Variants in ATXN10 observed in about 807,000 individuals in gnomAD.
ATXN10 encodes ataxin-10.
A neutral mutation model predicts 52.9 loss-of-function variants in ATXN10; 28 were observed. The ratio of observed to expected loss-of-function variants is 0.53; its 90% CI spans 0.39 to 0.73. The LOEUF (loss-of-function observed/expected upper bound fraction) is 0.73. Ranked by LOEUF, ATXN10 falls within the 30% of genes least tolerant of loss-of-function variation. The probability of loss-of-function intolerance (pLI) is 0.00; values close to 1 mark genes in which losing one functional copy is unlikely to be tolerated. For missense variants in ATXN10, 565 were observed against 577.0 expected, an observed-to-expected ratio of 0.98 and a Z score of 0.21; for synonymous variants, 226 against 221.5, an observed-to-expected ratio of 1.02 and a Z score of -0.18.
In ATXN10 at chr22:45,790,894, G is replaced by T. The variant is rs184962870; in HGVS notation, c.1174-16065G>T. On this transcript the variant is annotated intron_variant, in intron 9 of 11. Coordinates refer to ENST00000252934, the MANE Select transcript of ATXN10 (RefSeq NM_013236.4). This position sits in a 1 kb window ranked among gnomAD's most constrained non-coding sequence, Gnocchi z 4.7. Reference sequence around the variant, plus strand: ...GAGCCTCTCTCTCCCTCTCTCTGTCGCCCAATCTGCAGTGCAGTGGCACAG... The same window carrying T: ...GAGCCTCTCTCTCCCTCTCTCTGTCTCCCAATCTGCAGTGCAGTGGCACAG... 6.6e-6 allele frequency among the ~76,000 whole-genome samples: 1 copy of T among 151,166 alleles called. No individual in the cohort carries two copies.
rs1210494089 is a variant in ATXN10, at chr22:45,757,981, T to C, written c.1173+17443T>C. Among the ~76,000 whole-genome samples, 1 of 152,272 alleles carries C rather than the reference T, an allele frequency of 6.6e-6. No homozygotes were observed. Among genetic ancestry groups the C allele is most frequent in the African/African-American group, 2.4e-5 (1 of 41,480 alleles). ...AAGAAAAAAAGTTGAGCTTTTGTGA[T>C]GACACACAAATTCAAACTAAATTTG... On this transcript the variant is annotated intron_variant, in intron 9 of 11. Coordinates refer to ENST00000252934, the MANE Select transcript of ATXN10 (RefSeq NM_013236.4). The surrounding 1 kb of genome is among the most constrained non-coding windows in gnomAD (Gnocchi z 4.6).
intron 10 of ATXN10, among the ~76,000 whole-genome samples, chr22:45,834,230 C>T (rs1052929719): frequency 6.6e-6 from 1 of 152,150 alleles, no homozygotes; most frequent in African/African-American, 2.4e-5. Context: ...GCAGTGTGTT[C>T]CAGGAACAGA....
At chr22:45,832,923 G>A (rs1242889642) in intron 10 of ATXN10, among the ~76,000 whole-genome samples, 1 of 152,172 alleles carries the variant, frequency 6.6e-6, no homozygotes, top group African/African-American at 2.4e-5. Context: ...TGACCACTTG[G>A]CTTTTAAATA....
Position 45,818,535 on chromosome 22 carries a change from T to C in ATXN10, c.1237+11513T>C, listed in dbSNP as rs1245750661. Among the ~76,000 whole-genome samples, 1 of 152,182 alleles carries C rather than the reference T, an allele frequency of 6.6e-6. No individual in the cohort carries two copies. The highest frequency in any genetic ancestry group is 2.4e-5 in the African/African-American group (1 of 41,442). On this transcript the variant is annotated intron_variant, in intron 10 of 11. Transcript: ENST00000252934. The surrounding 1 kb of genome is among the most constrained non-coding windows in gnomAD (Gnocchi z 4.6). ...TTGTTTTTCAGAGCGAGGTTCTCAG[T>C]GTGAGCCATGTGGGCGGTCCTTTTT...
rs544127556 is a variant in ATXN10 at position 45,701,418 on chromosome 22, C to T, written c.488+1040C>T. Among the ~76,000 whole-genome samples, 2 of 152,270 alleles carry T rather than the reference C, an allele frequency of 1.3e-5. No individual in the cohort carries two copies. The highest frequency in any genetic ancestry group is 3.9e-4 in the East Asian group (2 of 5,190). On this transcript the variant is annotated intron_variant, in intron 4 of 11. Coordinates refer to ENST00000252934, the MANE Select transcript of ATXN10 (RefSeq NM_013236.4). The surrounding 1 kb of genome is among the most constrained non-coding windows in gnomAD (Gnocchi z 4.2). ...TTCCTTGTTGTACAGCTTTCCTGGG[C>T]TCCTCTGTGAAGTATAGCGTTAAGA...
At position 45,774,348 on chromosome 22, in the gene ATXN10, A is replaced by G. The variant is rs1196513450; in HGVS notation, c.1174-32611A>G. ...TGTCCCTACCAGTCCCTGCATCGCT[A>G]TTTTGGAGTGAGACAGATAATGCAG... is the stretch of plus-strand genomic sequence containing the variant. On this transcript the variant is annotated intron_variant, in intron 9 of 11. Transcript: ENST00000252934. This position sits in a 1 kb window ranked among gnomAD's most constrained non-coding sequence, Gnocchi z 6.2. Among the ~76,000 whole-genome samples, 1 of 152,186 alleles carries G rather than the reference A, an allele frequency of 6.6e-6. No homozygotes were observed. Among genetic ancestry groups the G allele is most frequent in the Non-Finnish European group, 1.5e-5 (1 of 68,032 alleles).
At chr22:45,717,522 A>G (rs1169894614) in intron 5 of ATXN10, among the ~76,000 whole-genome samples, 1 of 152,220 alleles carries the variant, frequency 6.6e-6, no homozygotes, top group Non-Finnish European at 1.5e-5. Context: ...ATTTTTAGGA[A>G]TATTTTACAT....
intron 1 of ATXN10, chr22:45,673,527 T>A (rs143626919): frequency 2.6e-5 from 4 of 152,388 alleles, no homozygotes; most frequent in Admixed American, 6.5e-5. Flanking sequence ...TGTATCATGA[T>A]GGACCCTCCT....
rs910584264 is a variant in ATXN10 at position 45,795,908 on chromosome 22, A to G, written c.1174-11051A>G. 6.6e-6 allele frequency among the ~76,000 whole-genome samples: 1 copy of G among 152,206 alleles called. No individual in the cohort carries two copies. Among genetic ancestry groups the G allele is most frequent in the Non-Finnish European group, 1.5e-5 (1 of 68,038 alleles). On this transcript the variant is annotated intron_variant, in intron 9 of 11. Transcript: ENST00000252934. The surrounding 1 kb of genome is among the most constrained non-coding windows in gnomAD (Gnocchi z 4.6). The stretch of plus-strand genomic sequence containing the variant: ...CCGTGATGATCACGTTATCTGCACA[A>G]ATTGTTTGTAAAGCATGTGTGTTTG...
Position 45,759,599 on chromosome 22 carries a change from C to T in ATXN10, c.1173+19061C>T, listed in dbSNP as rs954180705. On this transcript the variant is annotated intron_variant, in intron 9 of 11. Coordinates refer to ENST00000252934, the MANE Select transcript of ATXN10 (RefSeq NM_013236.4). This position sits in a 1 kb window ranked among gnomAD's most constrained non-coding sequence, Gnocchi z 5.4. ...GCCATGAAGCAGGAGGAAAGGCCTCCTGAGGGAGCTGAGGCTGCACGAGGA... is the reference window on the plus strand; with the variant it reads ...GCCATGAAGCAGGAGGAAAGGCCTCTTGAGGGAGCTGAGGCTGCACGAGGA... Among the ~76,000 whole-genome samples, 2 of 152,138 alleles carry T rather than the reference C, an allele frequency of 1.3e-5. No homozygotes were observed. Among genetic ancestry groups the T allele is most frequent in the African/African-American group, 4.8e-5 (2 of 41,412 alleles).
In ATXN10 at chr22:45,774,995, G is replaced by GT. The variant is rs945654267; in HGVS notation, c.1174-31961dup. ...GGTCGGAGAAACACTAAAGTTTTTT[G>GT]TTTGTTTGTTTTGCCTTTTCCCCAT... On this transcript the variant is annotated intron_variant, in intron 9 of 11. Transcript: ENST00000252934. This position sits in a 1 kb window ranked among gnomAD's most constrained non-coding sequence, Gnocchi z 6.2. Among the ~76,000 whole-genome samples, 30 of 152,254 alleles carry GT rather than the reference G, an allele frequency of 2.0e-4. No individual in the cohort carries two copies. Among genetic ancestry groups the GT allele is most frequent in the African/African-American group, 7.0e-4 (29 of 41,554 alleles).
At chr22:45,794,029 C>T (rs1927617473) in intron 9 of ATXN10, among the ~76,000 whole-genome samples, 1 of 152,174 alleles carries the variant, frequency 6.6e-6, no homozygotes, top group Non-Finnish European at 1.5e-5. Flanking sequence ...GCAGTTTATG[C>T]AGAAATTTCT....
rs1345526725 is a variant in ATXN10 at position 45,718,339 on chromosome 22, C to A, written c.648-74C>A. ...AAATGCTTTTGTGTGTAAGTGGTGC[C>A]TATAAAGTAGATAAGGGCATGTCTC... On this transcript the variant is annotated intron_variant, in intron 5 of 11. Coordinates refer to ENST00000252934, the MANE Select transcript of ATXN10 (RefSeq NM_013236.4). This position sits in a 1 kb window ranked among gnomAD's most constrained non-coding sequence, Gnocchi z 4.4. 9.1e-7 allele frequency: 1 copy of A among 1,098,774 alleles called. No individual in the cohort carries two copies. Among genetic ancestry groups the A allele is most frequent in the Non-Finnish European group, 1.4e-6 (1 of 710,626 alleles). The allele number at this position is 1,098,774 out of a possible 1,614,324, so 68.1% of individuals were successfully genotyped here.
intron 1 of ATXN10, chr22:45,679,421 G>C (rs1377003813): frequency 2.0e-5 from 3 of 152,206 alleles, no homozygotes; most frequent in Admixed American, 6.5e-5. Context: ...TTACTTGGTT[G>C]TATAAATATG....
chr22:45,838,435 C>G (rs2146917421), intron 10 of ATXN10, among the ~76,000 whole-genome samples: 1 of 152,314 alleles, frequency 6.6e-6, no homozygotes, highest in Non-Finnish European at 1.5e-5. Context: ...AGGGTTCTTT[C>G]AAGGCAGTTT....
In ATXN10 at chr22:45,727,100, C is replaced by T. The variant is rs1187467347; in HGVS notation, c.729-2325C>T. Among the ~76,000 whole-genome samples the T allele has an allele frequency of 6.6e-6, 1 of 152,156 alleles. No individual in the cohort carries two copies. The highest frequency in any genetic ancestry group is 1.5e-5 in the Non-Finnish European group (1 of 68,026). ...AACTTTCCTTTTAGCACTGCTTTTG[C>T]TGTATCCCAGAAGTTTTGATAAATT... On this transcript the variant is annotated intron_variant, in intron 6 of 11. Transcript: ENST00000252934. This position sits in a 1 kb window ranked among gnomAD's most constrained non-coding sequence, Gnocchi z 4.6.
rs1923596848 is a variant in ATXN10, at chr22:45,696,134, A to T, written c.391+3056A>T. ...AAGAAATTGAAAGGATGTAGGATTT[A>T]GTTGTGAAATGTTTTTACGATATTA... On this transcript the variant is annotated intron_variant, in intron 3 of 11. Coordinates refer to ENST00000252934, the MANE Select transcript of ATXN10 (RefSeq NM_013236.4). This position sits in a 1 kb window ranked among gnomAD's most constrained non-coding sequence, Gnocchi z 4.7. 6.6e-6 allele frequency among the ~76,000 whole-genome samples: 1 copy of T among 152,210 alleles called. No homozygotes were observed. Among genetic ancestry groups the T allele is most frequent in the Non-Finnish European group, 1.5e-5 (1 of 68,042 alleles).
rs776805910 is a variant in ATXN10, at chr22:45,789,207, A to G, written c.1174-17752A>G. Among the ~76,000 whole-genome samples, 3 of 152,142 alleles carry G rather than the reference A, an allele frequency of 2.0e-5. No individual in the cohort carries two copies. Among genetic ancestry groups the G allele is most frequent in the Non-Finnish European group, 4.4e-5 (3 of 68,038 alleles). On this transcript the variant is annotated intron_variant, in intron 9 of 11. Transcript: ENST00000252934. This position sits in a 1 kb window ranked among gnomAD's most constrained non-coding sequence, Gnocchi z 4.0. ...TCTCAATCTCTAGTAGATCATCTTA[A>G]TTATTTATTTTATAGGAATTACCAT...
intron 9 of ATXN10, 141 bp downstream of exon 9, chr22:45,740,679 TACACACACAC>T (rs74268525): frequency 0.019 from 7,337 of 390,128 alleles, 279 homozygotes; most frequent in African/African-American, 0.099. Flanking sequence ...TTTATATGAA[TACACACACAC>T]ACACACACAC....
Sources: gnomAD v4.1 joint callset for allele counts (sites outside exome capture counted in the v4.1 genomes callset) on GRCh38, gnomAD v4.1.1 for gene constraint, Gnocchi (gnomAD v3.1) non-coding constraint, MANE v1.5 for transcripts, NCBI Gene and HGNC (gene_info 2026-07-23, HGNC 2026-07-21) for gene names.